The following SYNE2 variants were observed in gnomAD, a reference collection of about 807,000 sequenced individuals.
The protein encoded by SYNE2 is nesprin-2.
SYNE2 carries 431 observed loss-of-function variants against 856.3 expected under a neutral mutation model. That is an observed-to-expected ratio of 0.50 (90% CI 0.47 to 0.55). The LOEUF is 0.55. Ranked by LOEUF, SYNE2 falls within the 20% of genes least tolerant of loss-of-function variation. The pLI is 0.00. For missense variants in SYNE2, 8,129 were observed against 8,023.2 expected, an observed-to-expected ratio of 1.01 and a Z score of -0.50; for synonymous variants, 2,923 against 2,872.3, an observed-to-expected ratio of 1.02 and a Z score of -0.56.
chr14:64,025,483 A>T (rs2096970744), intron 41 of SYNE2, 62 bp downstream of exon 41: 1 of 1,506,516 alleles, frequency 6.6e-7, no homozygotes, highest in Non-Finnish European at 9.1e-7. Context: ...AAAGATTTAG[A>T]GGAAAACTGT....
At chr14:63,851,837 C>T (rs897911983), upstream of SYNE2, among the ~76,000 whole-genome samples, 2 of 151,632 alleles carry the variant, frequency 1.3e-5, no homozygotes, top group East Asian at 3.9e-4. Context: ...AATCCTAGCA[C>T]TTTGGGAGGC....
Position 64,113,092 on chromosome 14 carries a change from A to T in SYNE2, c.12610-249A>T, listed in dbSNP as rs188795909. 24 of 985,296 alleles carry T rather than the reference A, an allele frequency of 2.4e-5. No individual in the cohort carries two copies. The Admixed American group carries it at 3.1e-4, about 13-fold the overall frequency. The allele number at this position is 985,296 out of a possible 1,614,324, so 61.0% of individuals were successfully genotyped here. ...GGGGCTCACCGGGTAGTGAACTGTG[A>T]GCCTGTTTGCGTCCTCTGTGCCCGG... On this transcript the variant is annotated intron_variant, in intron 65 of 115. Coordinates refer to ENST00000555002, the MANE Select transcript of SYNE2 (RefSeq NM_182914.3).
intron 1 of SYNE2, among the ~76,000 whole-genome samples, chr14:63,803,338 G>T (rs193257995): frequency 6.6e-6 from 1 of 152,172 alleles, no homozygotes; most frequent in African/African-American, 2.4e-5. Context: ...GGGGAGGCTC[G>T]GGCGGCACAG....
chr14:64,215,140 ATCT>A (rs1596278599), intron 106 of SYNE2, 143 bp from the exon 107 acceptor site: 3 of 800,364 alleles, frequency 3.7e-6, no homozygotes. Flanking sequence ...GGAAAAAAAA[ATCT>A]TTCTGGTTTT....
Position 64,120,733 on chromosome 14 carries a change from A to G in SYNE2, c.13024-194A>G, listed in dbSNP as rs7147372. Among the ~76,000 whole-genome samples the G allele has an allele frequency of 0.069, 10,559 of 152,292 alleles. 1,107 individuals carry two copies. Among genetic ancestry groups the G allele is most frequent in the African/African-American group, 0.23 (9,612 of 41,538 alleles). On this transcript the variant is annotated intron_variant, in intron 67 of 115. Coordinates refer to ENST00000555002, the MANE Select transcript of SYNE2 (RefSeq NM_182914.3). ...AGCCAAGATCATGCCCTTGCACTCC[A>G]GCCTGGGCAACAAGTGCGAAACTCC...
intron 6 of SYNE2, among the ~76,000 whole-genome samples, chr14:63,944,445 T>C (rs1218076478): frequency 6.6e-6 from 1 of 151,232 alleles, no homozygotes; most frequent in Non-Finnish European, 1.5e-5. Flanking sequence ...TGCGATACAA[T>C]CTTAATTATT....
At chr14:64,017,568 GTTGT>G (rs1567062961) in intron 33 of SYNE2, 23 bp from the exon 34 acceptor site, 1 of 1,585,940 alleles carries the variant, frequency 6.3e-7, no homozygotes, top group South Asian at 1.1e-5. Flanking sequence ...TGCTACATAT[GTTGT>G]TTCTCTTTTT....
At position 64,083,580 on chromosome 14, in the gene SYNE2, G is replaced by A. The variant is rs144647193; in HGVS notation, c.11484+2000G>A. 9.0e-4 allele frequency among the ~76,000 whole-genome samples: 137 copies of A among 152,248 alleles called. No homozygotes were observed. The Middle Eastern group carries it at 0.014, about 15-fold the overall frequency. On this transcript the variant is annotated intron_variant, in intron 57 of 115. Coordinates refer to ENST00000555002, the MANE Select transcript of SYNE2 (RefSeq NM_182914.3). ...AAGGAAGTAGGGACAAGGAAGGCTC[G>A]GGTTTATTTCTATGTGTCCCGATGT... is the stretch of plus-strand genomic sequence containing the variant.
intron 22 of SYNE2, among the ~76,000 whole-genome samples, chr14:63,994,834 A>C (rs2096700132): frequency 6.6e-6 from 1 of 151,990 alleles, no homozygotes; most frequent in South Asian, 2.1e-4. Context: ...TCACAGCTAA[A>C]ATACATTTTT....
At chr14:64,192,294 TC>T (rs1238727443) in intron 99 of SYNE2, among the ~76,000 whole-genome samples, 4 of 152,178 alleles carry the variant, frequency 2.6e-5, no homozygotes, top group African/African-American at 7.2e-5. Context: ...CTAAGTCTTC[TC>T]GGGCCCTTGG....
At position 64,167,588 on chromosome 14, in the gene SYNE2, G is replaced by A. The variant is rs1490325276; in HGVS notation, c.16854G>A (p.Val5618=). Residue 5618 remains valine (V), a synonymous_variant, in exon 92 of 116, where the codon GTG becomes GTA. Transcript: ENST00000555002. ...LLEKIEEALK[V]DVANSLPELL... is the part of the protein sequence containing the mutation. The stretch of plus-strand genomic sequence containing the variant: ...AGAAGATAGAAGAAGCACTCAAAGT[G>A]GATGTGGCTAACAGCCTTCCTGAGC... 1.1e-5 allele frequency: 18 copies of A among 1,614,202 alleles called. No individual in the cohort carries two copies. The highest frequency in any genetic ancestry group is 2.2e-5 in the South Asian group (2 of 91,080).
rs2781377 is a variant in SYNE2 at position 64,093,374 on chromosome 14, G to A, written c.12002G>A (p.Trp4001Ter). 116,373 of 1,612,338 alleles carry A rather than the reference G, an allele frequency of 0.072. 5,029 individuals carry two copies. Among genetic ancestry groups the A allele is most frequent in the South Asian group, 0.14 (12,503 of 90,994 alleles). The change falls in exon 61 of 116, where the codon TGG becomes TAG. Residue 4001 changes from tryptophan to a stop codon, truncating the protein, a stop_gained. Transcript: ENST00000555002. LOFTEE classifies it high-confidence loss of function. ...GTAGTCATAAAACAGACCAATGAAT[G>A]GGATGAAGAAATAGAAAATTTGAAA... ...LKVVIKQTNE[W>*]DEEIENLKQI...
chr14:63,857,838 G>T (rs1892258679), intron 1 of SYNE2, among the ~76,000 whole-genome samples: 1 of 152,072 alleles, frequency 6.6e-6, no homozygotes. Context: ...AGAGTTCTTT[G>T]TGTATTCTGG....
At chr14:64,191,107 G>A (rs1320230745) in intron 99 of SYNE2, 2 of 638,630 alleles carry the variant, frequency 3.1e-6, no homozygotes, top group South Asian at 1.9e-5. Flanking sequence ...ATAAAGAATT[G>A]GGAGGTGATA....
chr14:64,146,363 A>C, intron 84 of SYNE2, 140 bp downstream of exon 84: 2 of 770,618 alleles, frequency 2.6e-6, no homozygotes, highest in Non-Finnish European at 3.9e-6. Flanking sequence ...TATGTCAATT[A>C]GATAATGACC....
At chr14:63,903,895 G>C (rs1453423909) in intron 1 of SYNE2, among the ~76,000 whole-genome samples, 4 of 151,682 alleles carry the variant, frequency 2.6e-5, no homozygotes, top group Non-Finnish European at 5.9e-5. Context: ...ACATGTGCAG[G>C]TTTGTAACAT....
intron 77 of SYNE2, among the ~76,000 whole-genome samples, chr14:64,133,038 T>C (rs1221431006): frequency 1.4e-5 from 2 of 138,662 alleles, no homozygotes; most frequent in Non-Finnish European, 3.0e-5. Flanking sequence ...CCGTCTCTAC[T>C]AAAAATACAA....
intron 1 of SYNE2, among the ~76,000 whole-genome samples, chr14:63,858,928 C>T (rs931643882): frequency 1.3e-5 from 2 of 152,076 alleles, no homozygotes; most frequent in African/African-American, 4.8e-5. Flanking sequence ...AAGGCTTTCT[C>T]CTATGATTTT....
intron 1 of SYNE2, among the ~76,000 whole-genome samples, chr14:63,781,528 A>G (rs981277792): frequency 6.6e-6 from 1 of 150,756 alleles, no homozygotes; most frequent in Admixed American, 6.6e-5. Context: ...TCTGTCGCCC[A>G]GGCTGGAGTG....
Sources: allele counts gnomAD v4.1 joint callset (sites outside exome capture counted in the v4.1 genomes callset), GRCh38; gene constraint gnomAD v4.1.1; transcripts MANE v1.5; gene names NCBI Gene and HGNC (gene_info 2026-07-23, HGNC 2026-07-21).